Variants in SH2B2 observed in about 807,000 individuals in gnomAD.
The protein encoded by SH2B2 is SH2B adapter protein 2.
SH2B2 carries 37 observed loss-of-function variants against 35.7 expected under a neutral mutation model. The observed-to-expected ratio is 1.04, with a 90% confidence interval of 0.80 to 1.36. SH2B2 has a LOEUF of 1.36. Among genes scored for constraint, SH2B2 ranks in the 40% most tolerant of loss-of-function variants. SH2B2 has a pLI of 0.00. For missense variants in SH2B2, 852 were observed against 817.7 expected, an observed-to-expected ratio of 1.04 and a Z score of -0.51; for synonymous variants, 383 against 376.4, an observed-to-expected ratio of 1.02 and a Z score of -0.20.
chr7:102,321,279 C>A lies in SH2B2; in HGVS notation c.1568-20C>A. The A allele has an allele frequency of 7.3e-7, 1 of 1,363,280 alleles. No homozygotes were observed. The highest frequency in any genetic ancestry group is 9.4e-7 in the Non-Finnish European group (1 of 1,064,160). 84.4% of individuals were successfully genotyped at this position (1,363,280 alleles called of 1,614,324 possible). The stretch of plus-strand genomic sequence containing the variant: ...GCCAGCCCAGGTCCCCACTCACGCC[C>A]TGCCGTCGCCTTGTTGCAGAGCCGG... On this transcript the variant is annotated intron_variant, in intron 8 of 8. Coordinates refer to ENST00000444095, the MANE Select transcript of SH2B2 (RefSeq NM_001359228.2).
intron 6 of SH2B2, among the ~76,000 whole-genome samples, chr7:102,316,772 A>G (rs1554557053): frequency 1.3e-5 from 2 of 152,146 alleles, no homozygotes; most frequent in East Asian, 3.9e-4. Context: ...TAATCGCAGC[A>G]CTTTGGGAGG....
At chr7:102,306,576 T>C in intron 2 of SH2B2, 145 bp from the exon 3 acceptor site, 1 of 644,018 alleles carries the variant, frequency 1.6e-6, no homozygotes, top group East Asian at 2.7e-5. Context: ...CTTCCCCCTC[T>C]GTGAAATGGG....
At chr7:102,290,282 C>T (rs1175321618) in intron 1 of SH2B2, among the ~76,000 whole-genome samples, 21 of 150,828 alleles carry the variant, frequency 1.4e-4, no homozygotes, top group African/African-American at 5.1e-4. Context: ...CTTGCTCTGT[C>T]GACCAGGCTG....
intron 3 of SH2B2, among the ~76,000 whole-genome samples, chr7:102,307,962 C>T (rs572999990): frequency 2.4e-4 from 36 of 152,124 alleles, no homozygotes; most frequent in African/African-American, 8.4e-4. Context: ...GTAGAGACAG[C>T]GTTTCACCAT....
intron 7 of SH2B2, 69 bp from the exon 8 acceptor site, chr7:102,320,262 C>A: frequency 1.5e-6 from 2 of 1,331,350 alleles, no homozygotes; most frequent in South Asian, 1.2e-5. Flanking sequence ...CTTCCATCAA[C>A]CCCCAAAGGC....
chr7:102,318,148 TG>T (rs1266404325), intron 7 of SH2B2, among the ~76,000 whole-genome samples: 1 of 152,088 alleles, frequency 6.6e-6, no homozygotes, highest in Non-Finnish European at 1.5e-5. Context: ...TTTTTGTTTT[TG>T]TTTTTTTTTG....
chr7:102,300,100 T>G (rs548537183), intron 1 of SH2B2, among the ~76,000 whole-genome samples: 82 of 152,368 alleles, frequency 5.4e-4, no homozygotes, highest in African/African-American at 1.9e-3. Context: ...GTATTTTTAC[T>G]GCAACCTCTG....
chr7:102,299,688 C>G (rs575446917), intron 1 of SH2B2, among the ~76,000 whole-genome samples: 8 of 152,308 alleles, frequency 5.3e-5, no homozygotes, highest in South Asian at 2.1e-4. Context: ...AAGGTCCAGC[C>G]AGCAGGATTC....
At chr7:102,318,585 A>G (rs1332278465) in intron 7 of SH2B2, among the ~76,000 whole-genome samples, 2 of 152,176 alleles carry the variant, frequency 1.3e-5, no homozygotes, top group Non-Finnish European at 2.9e-5. Context: ...GGCTCCTGCC[A>G]GGACGGATTT....
At chr7:102,302,529 C>A (rs1296577336) in intron 2 of SH2B2, among the ~76,000 whole-genome samples, 2 of 152,236 alleles carry the variant, frequency 1.3e-5, no homozygotes, top group African/African-American at 4.8e-5. Context: ...GGTGGCCCCC[C>A]TGCTTTGGAA....
intron 4 of SH2B2, 198 bp downstream of exon 4, chr7:102,309,104 G>A: frequency 1.5e-6 from 1 of 678,976 alleles, no homozygotes; most frequent in Non-Finnish European, 2.7e-6. Context: ...ACTCTGTGAG[G>A]CCTGCTCTAT....
At chr7:102,292,876 G>A (rs1206982650) in intron 1 of SH2B2, among the ~76,000 whole-genome samples, 1 of 149,806 alleles carries the variant, frequency 6.7e-6, no homozygotes, top group Non-Finnish European at 1.5e-5. Context: ...CAGGAGGAAG[G>A]GGGGGTCTCT....
Position 102,301,264 on chromosome 7 carries a change from C to A in SH2B2, c.714C>A (p.Phe238Leu). Reference protein sequence around the residue: ...AVAEERFRLEFFVPPKASRPK... With the variant: ...AVAEERFRLELFVPPKASRPK... ...CCGAGGAACGCTTCCGCCTGGAGTTCTTCGTGCCGCCCAAAGTGAGTTACC... is the reference window on the plus strand; with the variant it reads ...CCGAGGAACGCTTCCGCCTGGAGTTATTCGTGCCGCCCAAAGTGAGTTACC... Residue 238 changes from phenylalanine to leucine, a missense_variant, in exon 2 of 9, where the codon TTC (phenylalanine) becomes TTA (leucine). By Grantham distance (22) the Phe-to-Leu change is conservative. Coordinates refer to ENST00000444095, the MANE Select transcript of SH2B2 (RefSeq NM_001359228.2). 1.9e-6 allele frequency: 3 copies of A among 1,604,332 alleles called. No individual in the cohort carries two copies. The highest frequency in any genetic ancestry group is 2.3e-5 in the East Asian group (1 of 43,870).
rs1401756594 is a variant in SH2B2 at position 102,300,595 on chromosome 7, A to AGTCCCG, written c.59_64dup (p.Val20_Pro21dup). On this transcript the variant is annotated inframe_insertion, in exon 2 of 9. Transcript: ENST00000444095. ...GCCCCGCCGCAGCCGCCCCGGTCCCAGTCCCGGTCCCGGTCCCGGACTGGC... is the reference window on the plus strand; with the variant it reads ...GCCCCGCCGCAGCCGCCCCGGTCCCAGTCCCGGTCCCGGTCCCGGTCCCGGACTGGC... 3.5e-5 allele frequency: 54 copies of AGTCCCG among 1,550,018 alleles called. No individual in the cohort carries two copies. Among genetic ancestry groups the AGTCCCG allele is most frequent in the East Asian group, 1.2e-4 (5 of 40,984 alleles).
chr7:102,293,990 G>A (rs1792803287), intron 1 of SH2B2, among the ~76,000 whole-genome samples: 1 of 152,104 alleles, frequency 6.6e-6, no homozygotes, highest in Admixed American at 6.5e-5. Context: ...CAGAGGGGGA[G>A]AGCAGTATAG....
At chr7:102,306,581 A>G in intron 2 of SH2B2, 140 bp from the exon 3 acceptor site, 1 of 651,328 alleles carries the variant, frequency 1.5e-6, no homozygotes, top group Non-Finnish European at 2.8e-6. Context: ...CCCTCTGTGA[A>G]ATGGGGATTG....
In SH2B2 at chr7:102,321,378, C is replaced by A; in HGVS notation, c.1647C>A (p.Ser549Arg). Residue 549 changes from serine to arginine, a missense_variant, in exon 9 of 9, where the codon AGC becomes AGA. By Grantham distance (110) the Ser-to-Arg change is moderately radical. Transcript: ENST00000444095. ...SDSPGQHYFS[S>R]LAAAACPPAS... is the part of the protein sequence containing the mutation. Reference sequence around the variant, plus strand: ...CGCCCGGCCAGCACTACTTCTCCAGCCTCGCCGCGGCCGCCTGCCCGCCTG... The same window carrying A: ...CGCCCGGCCAGCACTACTTCTCCAGACTCGCCGCGGCCGCCTGCCCGCCTG... 2.9e-6 allele frequency: 4 copies of A among 1,398,672 alleles called. No homozygotes were observed. Among genetic ancestry groups the A allele is most frequent in the South Asian group, 1.5e-5 (1 of 67,926 alleles). 86.6% of individuals were successfully genotyped at this position (1,398,672 alleles called of 1,614,324 possible).
chr7:102,311,470 G>A (rs868917163), intron 4 of SH2B2, among the ~76,000 whole-genome samples: 9 of 151,274 alleles, frequency 5.9e-5, no homozygotes, highest in African/African-American at 9.7e-5. Context: ...GGTCAGGCTC[G>A]TCTCGAACTC....
At chr7:102,292,964 C>G (rs1792733246) in intron 1 of SH2B2, 1 of 152,192 alleles carries the variant, frequency 6.6e-6, no homozygotes, top group Non-Finnish European at 1.5e-5. Flanking sequence ...CTCCTCTTCC[C>G]GGTGCTCCTG....
Sources: gnomAD v4.1 joint callset for allele counts (sites outside exome capture counted in the v4.1 genomes callset) on GRCh38, gnomAD v4.1.1 for gene constraint, MANE v1.5 for transcripts, NCBI Gene and HGNC (gene_info 2026-07-23, HGNC 2026-07-21) for gene names.